Variants in CCDC171 observed in about 807,000 individuals in gnomAD.
The protein encoded by CCDC171 is coiled-coil domain containing 171, also known as coiled-coil domain-containing protein 171.
A neutral mutation model predicts 168.2 loss-of-function variants in CCDC171; 177 were observed. The ratio of observed to expected loss-of-function variants is 1.05; its 90% CI spans 0.93 to 1.19. The LOEUF (loss-of-function observed/expected upper bound fraction) is 1.19, where lower values mean the gene tolerates loss of function less well. CCDC171 is among the 50% of genes most tolerant of loss of function. The probability of loss-of-function intolerance (pLI) is 0.00; values close to 1 mark genes in which losing one functional copy is unlikely to be tolerated. For synonymous variants in CCDC171, 687 were observed against 540.8 expected (o/e 1.27, Z -3.75); for missense variants, 1,991 against 1,539.0 (o/e 1.29, Z -4.91).
chr9:15,679,674 C>T (rs1015613963), intron 10 of CCDC171, among the ~76,000 whole-genome samples: 12 of 152,058 alleles, frequency 7.9e-5, no homozygotes, highest in East Asian at 1.9e-4. Context: ...CTCAGCCCCC[C>T]GAGTAGCTGA....
intron 7 of CCDC171, among the ~76,000 whole-genome samples, chr9:15,656,270 C>G (rs2047923689): frequency 6.6e-6 from 1 of 151,248 alleles, no homozygotes; most frequent in Non-Finnish European, 1.5e-5. Context: ...TGCAGTGAGC[C>G]TAGATGGCGC....
chr9:15,794,065 C>G lies in CCDC171; in HGVS notation c.3267+9371C>G, dbSNP rs575347916. 2.1e-4 allele frequency among the ~76,000 whole-genome samples: 32 copies of G among 151,372 alleles called. 1 individual carries two copies. In the South Asian group the frequency reaches 6.0e-3, roughly 29 times the overall value. On this transcript the variant is annotated intron_variant, in intron 21 of 25. Transcript: ENST00000380701. ...TAGGCATCCTTATCTTGTTTCCAGTCTTAAAGAAAATCTTTCTTTCTTCAT... is the reference window on the plus strand; with the variant it reads ...TAGGCATCCTTATCTTGTTTCCAGTGTTAAAGAAAATCTTTCTTTCTTCAT...
At chr9:15,710,503 A>G (rs906558013) in intron 11 of CCDC171, among the ~76,000 whole-genome samples, 5 of 151,952 alleles carry the variant, frequency 3.3e-5, no homozygotes, top group African/African-American at 7.3e-5. Context: ...GGGTTTCACC[A>G]TGTTAGCCAG....
chr9:15,997,771 C>G (rs934301934), intron 3 of CCDC171, among the ~76,000 whole-genome samples: 14 of 152,120 alleles, frequency 9.2e-5, no homozygotes, highest in Admixed American at 5.2e-4. Context: ...GATGGCATAC[C>G]CTTCTCAGGC....
At chr9:15,748,305 A>G (rs1383113609) in intron 18 of CCDC171, among the ~76,000 whole-genome samples, 1 of 152,222 alleles carries the variant, frequency 6.6e-6, no homozygotes, top group African/African-American at 2.4e-5. Flanking sequence ...CAAAGCCTCC[A>G]AGAAATAGGG....
At chr9:15,796,212 A>G (rs1039843094) in intron 21 of CCDC171, among the ~76,000 whole-genome samples, 1 of 152,226 alleles carries the variant, frequency 6.6e-6, no homozygotes, top group African/African-American at 2.4e-5. Flanking sequence ...GAGATTATGA[A>G]CTCAGTGAAC....
Position 15,623,335 on chromosome 9 carries a change from C to T in CCDC171, c.744C>T (p.Cys248=). 1 of 1,610,712 alleles carries T rather than the reference C, an allele frequency of 6.2e-7. No homozygotes were observed. The highest frequency in any genetic ancestry group is 1.3e-5 in the African/African-American group (1 of 74,996). ...AATTAGAAACAGAACATATGGACTG[C>T]TCTGACCTTTTACGGCGACAAACAA... ...VEKLETEHMD[C]SDLLRRQTSE... is the part of the protein sequence containing the mutation. Residue 248 remains cysteine, a synonymous_variant, in exon 7 of 26, where the codon TGC becomes TGT. Coordinates refer to ENST00000380701, the MANE Select transcript of CCDC171 (RefSeq NM_173550.4).
chr9:15,832,404 A>C (rs2060270794), intron 21 of CCDC171, among the ~76,000 whole-genome samples: 1 of 152,194 alleles, frequency 6.6e-6, no homozygotes, highest in East Asian at 1.9e-4. Context: ...AACATCATAT[A>C]ATGTACTTAC....
chr9:15,807,868 C>T (rs1277597446), intron 21 of CCDC171, among the ~76,000 whole-genome samples: 1 of 151,076 alleles, frequency 6.6e-6, no homozygotes, highest in African/African-American at 2.4e-5. Flanking sequence ...CCTTCTTGCT[C>T]CATGGTCCAA....
chr9:15,568,480 C>T (rs2039938684), intron 2 of CCDC171, among the ~76,000 whole-genome samples: 1 of 152,162 alleles, frequency 6.6e-6, no homozygotes, highest in South Asian at 2.1e-4. Flanking sequence ...CCGTGTTAGC[C>T]AGGATGGTCT....
chr9:15,933,201 G>A (rs1053329823), intron 25 of CCDC171, among the ~76,000 whole-genome samples: 1 of 151,912 alleles, frequency 6.6e-6, no homozygotes, highest in Non-Finnish European at 1.5e-5. Flanking sequence ...ATAGATTTCA[G>A]CAGTAAAGCC....
intron 3 of CCDC171, among the ~76,000 whole-genome samples, chr9:15,574,253 TC>T (rs2131134245): frequency 6.6e-6 from 1 of 152,246 alleles, no homozygotes; most frequent in African/African-American, 2.4e-5. Context: ...CAAGCGTTCC[TC>T]CTGCTTCAGC....
At chr9:15,992,494 A>G (rs1832234300) in intron 3 of CCDC171, among the ~76,000 whole-genome samples, 1 of 152,212 alleles carries the variant, frequency 6.6e-6, no homozygotes, top group Non-Finnish European at 1.5e-5. Flanking sequence ...ATCATACTGA[A>G]TGGGCAAAAA....
At chr9:16,085,705 CACAA>C in the CCDC171 span, among the ~76,000 whole-genome samples, 1 of 152,192 alleles carries the variant, frequency 6.6e-6, no homozygotes, top group African/African-American at 2.4e-5. Flanking sequence ...ATTATCAGCC[CACAA>C]ACAAACATGA....
At chr9:15,803,671 A>G (rs2058935982) in intron 21 of CCDC171, among the ~76,000 whole-genome samples, 1 of 152,064 alleles carries the variant, frequency 6.6e-6, no homozygotes, top group African/African-American at 2.4e-5. Flanking sequence ...GTAGCCCTGT[A>G]GTATAGTTTG....
At chr9:15,771,925 C>CGGGTTCAAGTGATTATTGTGCCT (rs1322988888) in intron 18 of CCDC171, among the ~76,000 whole-genome samples, 1 of 152,104 alleles carries the variant, frequency 6.6e-6, no homozygotes, top group African/African-American at 2.4e-5. Context: ...CTCTGCCTCC[C>CGGGTTCAAGTGATTATTGTGCCT]GGGTTCAAGT....
rs1280308799 is a variant in CCDC171 at position 15,602,395 on chromosome 9, CCTT to C, written c.675+8226_675+8228del. ...GTTTTTTAAATAAGTTATTTTTAAACCTTCTCAGTGAAACCCCATCTTTAATAG... is the reference window on the plus strand; with the variant it reads ...GTTTTTTAAATAAGTTATTTTTAAACCTCAGTGAAACCCCATCTTTAATAG... On this transcript the variant is annotated intron_variant, in intron 6 of 25. Coordinates refer to ENST00000380701, the MANE Select transcript of CCDC171 (RefSeq NM_173550.4). Among the ~76,000 whole-genome samples, 4 of 152,130 alleles carry C rather than the reference CCTT, an allele frequency of 2.6e-5. No homozygotes were observed. In the South Asian group the frequency reaches 8.3e-4, roughly 32 times the overall value.
intron 3 of CCDC171, among the ~76,000 whole-genome samples, chr9:15,990,059 A>G (rs918693153): frequency 1.3e-5 from 2 of 152,160 alleles, no homozygotes; most frequent in African/African-American, 4.8e-5. Flanking sequence ...CAACATTCAA[A>G]TTCAGGAAAT....
the CCDC171 span, among the ~76,000 whole-genome samples, chr9:16,077,581 G>A: frequency 6.6e-6 from 1 of 152,214 alleles, no homozygotes. Context: ...CTCATCCAGA[G>A]ACGACGAGAG....
Sources: gnomAD v4.1 joint callset for allele counts (sites outside exome capture counted in the v4.1 genomes callset) on GRCh38, gnomAD v4.1.1 for gene constraint, MANE v1.5 for transcripts, NCBI Gene and HGNC (gene_info 2026-07-23, HGNC 2026-07-21) for gene names.